The following CRYBB2 variants were observed in gnomAD, a reference collection of about 807,000 sequenced individuals.
The protein encoded by CRYBB2 is beta-crystallin B2.
CRYBB2 carries 12 observed loss-of-function variants against 24.3 expected under a neutral mutation model. That is an observed-to-expected ratio of 0.49 (90% CI 0.32 to 0.80). The LOEUF (loss-of-function observed/expected upper bound fraction) is 0.80, where lower values mean the gene tolerates loss of function less well. Among genes scored for constraint, CRYBB2 ranks in the 30% least tolerant of loss-of-function variants. The pLI, the probability that CRYBB2 is intolerant of heterozygous loss-of-function variation, is 0.04. For synonymous variants in CRYBB2, 98 were observed against 101.6 expected, an observed-to-expected ratio of 0.96 and a Z score of 0.21; for missense variants, 198 against 268.5, an observed-to-expected ratio of 0.74 and a Z score of 1.83.
In CRYBB2 at chr22:25,231,621, A is replaced by G. The variant is rs757433401; in HGVS notation, c.467A>G (p.Tyr156Cys). The change falls in exon 6 of 6, where the codon TAC (tyrosine) becomes TGC (cysteine). Residue 156 changes from tyrosine to cysteine, a missense_variant. Tyr to Cys is a radical substitution (Grantham distance 194, BLOSUM62 -2). Coordinates refer to ENST00000398215, the MANE Select transcript of CRYBB2 (RefSeq NM_000496.3). ...VQSGTWVGYQYPGYRGLQYLL... is the reference protein window; with the variant it reads ...VQSGTWVGYQCPGYRGLQYLL... The stretch of plus-strand genomic sequence containing the variant: ...CCCTGCAGGTGGGTTGGCTACCAGT[A>G]CCCCGGCTACCGTGGGCTGCAGTAC... The G allele has an allele frequency of 8.7e-6, 14 of 1,614,002 alleles. No homozygotes were observed. The highest frequency in any genetic ancestry group is 1.2e-5 in the Non-Finnish European group (14 of 1,179,986).
chr22:25,218,779 GAAGAAAGAAAGA>G (rs1168197356), upstream of CRYBB2, among the ~76,000 whole-genome samples: 103 of 34,514 alleles, frequency 3.0e-3, 1 homozygote, highest in African/African-American at 4.3e-3. Context: ...GAGAGAGAGA[GAAGAAAGAAAGA>G]AAGAAAGAAA....
rs760153063 is a variant in CRYBB2, at chr22:25,231,683, T to A, written c.529T>A (p.Phe177Ile). Residue 177 changes from phenylalanine (F) to isoleucine (I), a missense_variant, in exon 6 of 6, where the codon TTT becomes ATT. Transcript: ENST00000398215. ...EKGDYKDSSD[F>I]GAPHPQVQSV... ...GGGAGACTACAAGGACAGCAGCGACTTTGGGGCCCCTCACCCCCAGGTGCA... is the reference window on the plus strand; with the variant it reads ...GGGAGACTACAAGGACAGCAGCGACATTGGGGCCCCTCACCCCCAGGTGCA... 1 of 1,613,978 alleles carries A rather than the reference T, an allele frequency of 6.2e-7. No homozygotes were observed.
intron 1 of CRYBB2, among the ~76,000 whole-genome samples, chr22:25,220,270 A>G (rs1041062554): frequency 3.9e-5 from 6 of 152,184 alleles, no homozygotes; most frequent in African/African-American, 1.4e-4. Context: ...TACATTACAT[A>G]ATTGAATCCT....
At chr22:25,212,585 A>G (rs921416293) in exon 1 of CRYBB2, among the ~76,000 whole-genome samples, 8 of 152,140 alleles carry the variant, frequency 5.3e-5, no homozygotes, top group African/African-American at 1.9e-4. Flanking sequence ...TTTCCGTCGG[A>G]CATCTTTGAT....
At chr22:25,214,671 A>G (rs1486250366), upstream of CRYBB2, among the ~76,000 whole-genome samples, 1 of 152,268 alleles carries the variant, frequency 6.6e-6, no homozygotes, top group Non-Finnish European at 1.5e-5. Context: ...AGGGCTTCAC[A>G]TGATTGGCTC....
At chr22:25,221,519 C>T (rs1483506386) in intron 2 of CRYBB2, 36 bp downstream of exon 2, 11 of 1,531,512 alleles carry the variant, frequency 7.2e-6, no homozygotes, top group Non-Finnish European at 9.1e-6. Context: ...ATGCAATGCT[C>T]CTCCCCCAGA....
At chr22:25,224,886 G>T in intron 2 of CRYBB2, 32 bp from the exon 3 acceptor site, 1 of 1,190,658 alleles carries the variant, frequency 8.4e-7, no homozygotes, top group Non-Finnish European at 1.3e-6. Context: ...TCTTCATCGT[G>T]ATGAGGGTCT....
chr22:25,225,175 A>C, intron 3 of CRYBB2, 139 bp downstream of exon 3: 1 of 727,590 alleles, frequency 1.4e-6, no homozygotes, highest in Non-Finnish European at 2.5e-6. Flanking sequence ...GAGATAATTC[A>C]TGCTTTGCAG....
intron 5 of CRYBB2, among the ~76,000 whole-genome samples, chr22:25,229,917 G>A (rs1408702596): frequency 1.3e-5 from 2 of 151,626 alleles, no homozygotes; most frequent in African/African-American, 4.8e-5. Context: ...AATGAGTTGA[G>A]TAGTCTGAAA....
At position 25,224,965 on chromosome 22, in the gene CRYBB2, C is replaced by T. The variant is rs1017713199; in HGVS notation, c.102C>T (p.Leu34=). 1.5e-5 allele frequency: 25 copies of T among 1,613,184 alleles called. No homozygotes were observed. The highest frequency in any genetic ancestry group is 2.1e-5 in the Non-Finnish European group (25 of 1,179,200). Residue 34 remains leucine, a synonymous_variant, in exon 3 of 6, where the codon CTC becomes CTT. Transcript: ENST00000398215. ...ACTTTCAAGGCCACTCGCATGAGCTCAATGGGCCCTGCCCCAACCTGAAGG... is the reference window on the plus strand; with the variant it reads ...ACTTTCAAGGCCACTCGCATGAGCTTAATGGGCCCTGCCCCAACCTGAAGG... ...QENFQGHSHE[L]NGPCPNLKET...
chr22:25,215,034 G>T (rs917625372), upstream of CRYBB2, among the ~76,000 whole-genome samples: 1 of 152,222 alleles, frequency 6.6e-6, no homozygotes, highest in Non-Finnish European at 1.5e-5. Context: ...CCCATCAAAA[G>T]TAACGCCAAA....
chr22:25,230,357 T>C (rs1453452651), intron 5 of CRYBB2, among the ~76,000 whole-genome samples: 3 of 151,328 alleles, frequency 2.0e-5, no homozygotes, highest in African/African-American at 2.4e-5. Context: ...AGGGTTTCAC[T>C]GTGTTGGCCA....
At chr22:25,224,328 C>T (rs925641845) in intron 2 of CRYBB2, among the ~76,000 whole-genome samples, 1 of 152,072 alleles carries the variant, frequency 6.6e-6, no homozygotes, top group African/African-American at 2.4e-5. Context: ...GCTTCCATTT[C>T]AGCTGCATCA....
chr22:25,212,686 A>G (rs1935120578), exon 1 of CRYBB2: 1 of 152,240 alleles, frequency 6.6e-6, no homozygotes, highest in Admixed American at 6.5e-5. Flanking sequence ...TCCACCAGCC[A>G]GCATCCACAT....
upstream of CRYBB2, among the ~76,000 whole-genome samples, chr22:25,217,020 C>T (rs567958666): frequency 8.8e-4 from 134 of 152,256 alleles, 2 homozygotes; most frequent in South Asian, 0.024. Flanking sequence ...TCCATTCATC[C>T]GTTGATGGAC....
Position 25,231,665 on chromosome 22 carries a change from T to C in CRYBB2, c.511T>C (p.Tyr171His). 4 of 1,614,128 alleles carry C rather than the reference T, an allele frequency of 2.5e-6. No homozygotes were observed. Among genetic ancestry groups the C allele is most frequent in the Non-Finnish European group, 3.4e-6 (4 of 1,180,014 alleles). ...GCAGTACCTGCTGGAGAAGGGAGAC[T>C]ACAAGGACAGCAGCGACTTTGGGGC... ...GLQYLLEKGD[Y>H]KDSSDFGAPH... The change falls in exon 6 of 6, where the codon TAC becomes CAC. Residue 171 changes from tyrosine to histidine, a missense_variant. Transcript: ENST00000398215.
At chr22:25,221,063 A>C (rs1935310871) in intron 1 of CRYBB2, among the ~76,000 whole-genome samples, 1 of 152,232 alleles carries the variant, frequency 6.6e-6, no homozygotes, top group African/African-American at 2.4e-5. Context: ...TAAAGGCAGA[A>C]GTTCTGGGAT....
upstream of CRYBB2, among the ~76,000 whole-genome samples, chr22:25,218,897 C>T (rs1317893177): frequency 6.6e-6 from 1 of 151,886 alleles, no homozygotes; most frequent in African/African-American, 2.4e-5. Flanking sequence ...GAATAAAATG[C>T]ACTCTCCATA....
In CRYBB2 at chr22:25,231,867, T is replaced by C; in HGVS notation, c.*95T>C. The C allele has an allele frequency of 8.8e-7, 1 of 1,138,540 alleles. No homozygotes were observed. The highest frequency in any genetic ancestry group is 1.3e-6 in the Non-Finnish European group (1 of 756,446). The allele number at this position is 1,138,540 out of a possible 1,614,324, so 70.5% of individuals were successfully genotyped here. A position where few individuals can be genotyped will look rare whatever the true frequency, so the allele number is the denominator to read the frequency against. On this transcript the variant is annotated 3_prime_UTR_variant, in exon 6 of 6. Coordinates refer to ENST00000398215, the MANE Select transcript of CRYBB2 (RefSeq NM_000496.3). ...GAGTGAATAAAGTGTGACTTGCAACTTGTCTGCTGTGGGTCTTTGATCTCC... is the reference window on the plus strand; with the variant it reads ...GAGTGAATAAAGTGTGACTTGCAACCTGTCTGCTGTGGGTCTTTGATCTCC...
Sources: gnomAD v4.1 joint callset for allele counts (sites outside exome capture counted in the v4.1 genomes callset) on GRCh38, gnomAD v4.1.1 for gene constraint, MANE v1.5 for transcripts, NCBI Gene and HGNC (gene_info 2026-07-23, HGNC 2026-07-21) for gene names.